Variants in MRTFB observed in about 807,000 individuals in gnomAD.
MRTFB encodes myocardin-related transcription factor B.
MRTFB carries 29 observed loss-of-function variants against 104.2 expected under a neutral mutation model. That is an observed-to-expected ratio of 0.28 (90% CI 0.21 to 0.38). The LOEUF is 0.38. MRTFB is among the 10% of genes least tolerant of loss of function. The probability of loss-of-function intolerance (pLI) is 1.00; values close to 1 mark genes in which losing one functional copy is unlikely to be tolerated. For missense variants in MRTFB, 1,270 were observed against 1,341.6 expected (o/e 0.95, Z 0.83); for synonymous variants, 535 against 519.5 (o/e 1.03, Z -0.41).
chr16:14,092,162 G>A (rs1293957294), intron 2 of MRTFB, among the ~76,000 whole-genome samples: 2 of 152,156 alleles, frequency 1.3e-5, no homozygotes, highest in African/African-American at 4.8e-5. Context: ...AATTGTGTCT[G>A]TGTTACATAG....
intron 3 of MRTFB, among the ~76,000 whole-genome samples, chr16:14,165,398 A>G (rs2039197817): frequency 6.6e-6 from 1 of 152,126 alleles, no homozygotes. Flanking sequence ...GTATTTAGGC[A>G]TGCCACTCTT....
chr16:14,014,036 C>T, the MRTFB span, among the ~76,000 whole-genome samples: 1 of 152,186 alleles, frequency 6.6e-6, no homozygotes, highest in African/African-American at 2.4e-5. Flanking sequence ...TTGTCTGTCT[C>T]CACCATGAAA....
intron 2 of MRTFB, among the ~76,000 whole-genome samples, chr16:14,114,942 A>G (rs1226861768): frequency 6.6e-6 from 1 of 152,210 alleles, no homozygotes; most frequent in Non-Finnish European, 1.5e-5. Context: ...GCACACAGAA[A>G]GCTCTTCATA....
intron 3 of MRTFB, among the ~76,000 whole-genome samples, chr16:14,208,254 A>C (rs966697430): frequency 2.0e-5 from 3 of 152,200 alleles, no homozygotes; most frequent in Non-Finnish European, 4.4e-5. Flanking sequence ...TACAATCAAG[A>C]GATGCTTCCA....
At chr16:14,234,101 G>T in intron 8 of MRTFB, 45 bp from the exon 9 acceptor site, 2 of 1,588,884 alleles carry the variant, frequency 1.3e-6, no homozygotes, top group Non-Finnish European at 1.7e-6. Context: ...CTGTTTTTAT[G>T]ATCATTAATT....
At chr16:14,117,898 C>T (rs1404161315) in intron 2 of MRTFB, among the ~76,000 whole-genome samples, 2 of 152,142 alleles carry the variant, frequency 1.3e-5, no homozygotes, top group Non-Finnish European at 2.9e-5. Flanking sequence ...GCCTCTTCCC[C>T]CTTTTTCTCT....
the MRTFB span, among the ~76,000 whole-genome samples, chr16:14,038,919 T>TA: frequency 6.6e-6 from 1 of 151,994 alleles, no homozygotes; most frequent in East Asian, 1.9e-4. Context: ...GCAGGCAAGA[T>TA]AGAATGAGAA....
chr16:14,023,669 G>GTA, the MRTFB span, among the ~76,000 whole-genome samples: 16 of 143,030 alleles, frequency 1.1e-4, no homozygotes, highest in African/African-American at 4.5e-4. Flanking sequence ...GTGTGTGTGT[G>GTA]TGTGTGTCTA....
At chr16:14,249,427 T>C (rs190263779) in intron 13 of MRTFB, among the ~76,000 whole-genome samples, 7 of 152,366 alleles carry the variant, frequency 4.6e-5, no homozygotes, top group African/African-American at 1.7e-4. Flanking sequence ...AAAAAAGATA[T>C]GCTGTTCCCT....
chr16:14,088,875 A>G (rs1230892901), intron 2 of MRTFB, among the ~76,000 whole-genome samples: 1 of 152,122 alleles, frequency 6.6e-6, no homozygotes, highest in East Asian at 1.9e-4. Context: ...TCTGATAACC[A>G]TTTTTCTTTG....
chr16:13,999,121 T>C, the MRTFB span, among the ~76,000 whole-genome samples: 1 of 144,976 alleles, frequency 6.9e-6, no homozygotes, highest in African/African-American at 2.6e-5. Flanking sequence ...ACACAGGAGG[T>C]GGAGGTTGCA....
intron 15 of MRTFB, among the ~76,000 whole-genome samples, chr16:14,257,857 T>C (rs2043570012): frequency 1.3e-5 from 2 of 152,064 alleles, no homozygotes; most frequent in African/African-American, 2.4e-5. Flanking sequence ...AATTCAGTGA[T>C]AGAAAAAAAG....
chr16:14,213,694 T>G, intron 6 of MRTFB, 74 bp downstream of exon 6: 1 of 1,158,588 alleles, frequency 8.6e-7, no homozygotes, highest in Non-Finnish European at 1.2e-6. Context: ...CATTTCTGTT[T>G]ATTCCCATTT....
chr16:14,206,160 G>C (rs2151142247), intron 3 of MRTFB, among the ~76,000 whole-genome samples: 1 of 152,294 alleles, frequency 6.6e-6, no homozygotes, highest in Non-Finnish European at 1.5e-5. Context: ...AGGAAAACTT[G>C]ATAAAGCATT....
At chr16:14,083,285 G>T (rs972233430) in intron 2 of MRTFB, among the ~76,000 whole-genome samples, 21 of 151,988 alleles carry the variant, frequency 1.4e-4, no homozygotes, top group African/African-American at 2.7e-4. Context: ...TATATATAAG[G>T]TCATGCCATC....
At chr16:14,117,797 GA>G (rs887912303) in intron 2 of MRTFB, among the ~76,000 whole-genome samples, 5 of 151,370 alleles carry the variant, frequency 3.3e-5, no homozygotes, top group South Asian at 2.1e-4. Context: ...ACTTTATAGG[GA>G]AAAAAAAGTT....
intron 2 of MRTFB, among the ~76,000 whole-genome samples, chr16:14,090,354 ACACC>A: frequency 6.6e-6 from 1 of 152,274 alleles, no homozygotes; most frequent in African/African-American, 2.4e-5. Flanking sequence ...TCCTAACCTT[ACACC>A]CAATGTGCTT....
chr16:14,109,778 A>G lies in MRTFB; in HGVS notation c.-64+30424A>G, dbSNP rs111692888. Among the ~76,000 whole-genome samples the G allele has an allele frequency of 3.7e-3, 565 of 152,326 alleles. 2 individuals carry two copies. Among genetic ancestry groups the G allele is most frequent in the African/African-American group, 0.013 (549 of 41,568 alleles). ...TCTAGAAACTCCTGTTTTATTCATG[A>G]ATGTTGCCTGTAAAGAAATGTAGAG... On this transcript the variant is annotated intron_variant, in intron 2 of 16. Transcript: ENST00000571589.
At chr16:14,004,902 G>A in the MRTFB span, among the ~76,000 whole-genome samples, 30 of 152,258 alleles carry the variant, frequency 2.0e-4, no homozygotes, top group African/African-American at 7.2e-4. Flanking sequence ...CTGTCCACCT[G>A]GATCTCAGTC....
Sources: allele counts gnomAD v4.1 joint callset (sites outside exome capture counted in the v4.1 genomes callset), GRCh38; gene constraint gnomAD v4.1.1; transcripts MANE v1.5; gene names NCBI Gene and HGNC (gene_info 2026-07-23, HGNC 2026-07-21).